The following C2CD3 variants were observed in gnomAD, a reference collection of about 807,000 sequenced individuals.
The protein encoded by C2CD3 is C2 domain-containing protein 3.
Under a neutral mutation model 234.0 loss-of-function variants are expected in C2CD3, and 148 were observed. That is an observed-to-expected ratio of 0.63 (90% CI 0.55 to 0.72). The LOEUF (loss-of-function observed/expected upper bound fraction) is 0.72. Ranked by LOEUF, C2CD3 falls within the 30% of genes least tolerant of loss-of-function variation. The pLI, the probability that C2CD3 is intolerant of heterozygous loss-of-function variation, is 0.00. For synonymous variants in C2CD3, 1,000 were observed against 1,035.4 expected (o/e 0.97, Z 0.66); for missense variants, 2,577 against 2,811.5 (o/e 0.92, Z 1.89).
At chr11:74,137,168 T>C (rs1957891322) in intron 5 of C2CD3, among the ~76,000 whole-genome samples, 1 of 151,968 alleles carries the variant, frequency 6.6e-6, no homozygotes, top group African/African-American at 2.4e-5. Context: ...TTTGCCAACC[T>C]ATGTAAAACT....
In C2CD3 at chr11:74,033,921, A is replaced by G. The variant is rs1173009074; in HGVS notation, c.6239T>C (p.Val2080Ala). The G allele has an allele frequency of 2.6e-6, 4 of 1,536,216 alleles. No individual in the cohort carries two copies. The highest frequency in any genetic ancestry group is 3.5e-6 in the Non-Finnish European group (4 of 1,146,934). The part of the protein sequence containing the change: ...EPRTLNEITT[V>A]TDKTSPWSSV... ...AGACCAAGGGCTAGTTTTGTCTGTCACCGTGGTGATCTCATTTAAGGTCCT... is the reference window on the plus strand; with the variant it reads ...AGACCAAGGGCTAGTTTTGTCTGTCGCCGTGGTGATCTCATTTAAGGTCCT... The change falls in exon 31 of 33, where the codon GTG (valine) becomes GCG (alanine). Residue 2080 changes from valine to alanine, a missense_variant. By Grantham distance (64) the Val-to-Ala change is moderately conservative. Transcript: ENST00000334126.
chr11:74,028,444 C>A, intron 31 of C2CD3, 46 bp from the exon 32 acceptor site: 1 of 1,248,630 alleles, frequency 8.0e-7, no homozygotes, highest in Non-Finnish European at 1.1e-6. Flanking sequence ...GTCCACCCCT[C>A]TTGCAGTGGA....
chr11:74,013,095 C>G lies in C2CD3; in HGVS notation c.*290G>C. 5.1e-6 allele frequency: 1 copy of G among 195,992 alleles called. No individual in the cohort carries two copies. The highest frequency in any genetic ancestry group is 1.1e-4 in the East Asian group (1 of 8,768). 12.1% of individuals were successfully genotyped at this position (195,992 alleles called of 1,614,324 possible). A position where few individuals can be genotyped will look rare whatever the true frequency, so the allele number is the denominator to read the frequency against. ...AGGACACTGGGGGGCGTTTCTCCAC[C>G]GAAAGATGCCTGCTTGGGTCCCACT... On this transcript the variant is annotated 3_prime_UTR_variant, in exon 33 of 33. Transcript: ENST00000334126.
At chr11:74,133,179 C>T (rs560909899) in intron 6 of C2CD3, among the ~76,000 whole-genome samples, 268 of 152,294 alleles carry the variant, frequency 1.8e-3, no homozygotes, top group Non-Finnish European at 3.1e-3. Context: ...GAGAATATCC[C>T]CATTTTACAT....
intron 22 of C2CD3, among the ~76,000 whole-genome samples, chr11:74,080,441 T>C (rs1240102910): frequency 2.0e-5 from 3 of 152,236 alleles, no homozygotes; most frequent in Non-Finnish European, 4.4e-5. Flanking sequence ...AACATTTTTT[T>C]GGTCACAGAC....
intron 32 of C2CD3, among the ~76,000 whole-genome samples, chr11:74,018,761 T>C (rs1229060290): frequency 6.6e-6 from 1 of 152,212 alleles, no homozygotes; most frequent in South Asian, 2.1e-4. Flanking sequence ...GCACTTAGAC[T>C]AGAGGCCCAG....
chr11:74,126,762 A>C (rs1957426461), intron 7 of C2CD3, among the ~76,000 whole-genome samples: 1 of 152,130 alleles, frequency 6.6e-6, no homozygotes, highest in Admixed American at 6.5e-5. Flanking sequence ...AAAAATAAAA[A>C]GACTAAATAA....
chr11:74,033,555 TC>T lies in C2CD3; in HGVS notation c.6604del (p.Glu2202SerfsTer29). Reference sequence around the variant, plus strand: ...CTCAGCTGGGGCCTCTGACTTGGGCTCCTTGTTCTGATCTGTCTGTGGTGAG... The same window carrying T: ...CTCAGCTGGGGCCTCTGACTTGGGCTCTTGTTCTGATCTGTCTGTGGTGAG... ...WSSPQTDQNK[E>X]PKSEAPAENE... On this transcript the variant is annotated frameshift_variant, in exon 31 of 33. Coordinates refer to ENST00000334126, the MANE Select transcript of C2CD3 (RefSeq NM_001286577.2). LOFTEE classifies it high-confidence loss of function. 1 of 1,536,186 alleles carries T rather than the reference TC, an allele frequency of 6.5e-7. No individual in the cohort carries two copies. The highest frequency in any genetic ancestry group is 8.7e-7 in the Non-Finnish European group (1 of 1,146,906).
chr11:74,124,307 C>T (rs189163522), intron 7 of C2CD3, among the ~76,000 whole-genome samples: 1 of 152,260 alleles, frequency 6.6e-6, no homozygotes, highest in Non-Finnish European at 1.5e-5. Context: ...ATAATCACTA[C>T]CTTCAAATTA....
chr11:74,069,524 T>G (rs998780637), intron 24 of C2CD3, among the ~76,000 whole-genome samples: 1 of 152,240 alleles, frequency 6.6e-6, no homozygotes, highest in Non-Finnish European at 1.5e-5. Flanking sequence ...GCTTGCACAC[T>G]GTTTTCTTAC....
In C2CD3 at chr11:74,147,052, A is replaced by AAAAATAAAAT. The variant is rs200057554; in HGVS notation, c.484-7234_484-7225dup. Among the ~76,000 whole-genome samples, 577 of 149,594 alleles carry AAAAATAAAAT rather than the reference A, an allele frequency of 3.9e-3. 2 individuals are homozygous for AAAAATAAAAT. The highest frequency in any genetic ancestry group is 0.024 in the Middle Eastern group (7 of 294). Reference sequence around the variant, plus strand: ...GATGACAGAGTAAGACTCTGTCTCAAAAAATAAAATAAAATAAAATAAAAT... The same window carrying AAAAATAAAAT: ...GATGACAGAGTAAGACTCTGTCTCAAAAAATAAAATAAAATAAAATAAAATAAAATAAAAT... On this transcript the variant is annotated intron_variant, in intron 3 of 32. Transcript: ENST00000334126.
intron 30 of C2CD3, among the ~76,000 whole-genome samples, chr11:74,034,867 T>C (rs1190016680): frequency 1.3e-5 from 2 of 152,232 alleles, no homozygotes; most frequent in Non-Finnish European, 2.9e-5. Context: ...TCTCTGAGCC[T>C]ATTGATCTGT....
intron 17 of C2CD3, among the ~76,000 whole-genome samples, chr11:74,094,229 C>T (rs1350095095): frequency 2.0e-5 from 3 of 149,828 alleles, no homozygotes; most frequent in African/African-American, 7.4e-5. Context: ...ATTATAGCCA[C>T]CTTAGCTAGT....
rs369018964 is a variant in C2CD3, at chr11:74,060,847, G to A, written c.4952-3303C>T. Among the ~76,000 whole-genome samples the A allele has an allele frequency of 9.9e-5, 15 of 152,242 alleles. No individual in the cohort carries two copies. The South Asian group carries it at 1.9e-3, about 19-fold the overall frequency. On this transcript the variant is annotated intron_variant, in intron 24 of 32. Coordinates refer to ENST00000334126, the MANE Select transcript of C2CD3 (RefSeq NM_001286577.2). ...TTTTCCAAGCTAAAGGAGGATGTTC[G>A]AACCCATTGCAAAGAAGCTAAAAAC...
At chr11:74,137,595 T>C (rs12793014) in intron 5 of C2CD3, among the ~76,000 whole-genome samples, 2 of 151,340 alleles carry the variant, frequency 1.3e-5, no homozygotes, top group Non-Finnish European at 1.5e-5. Context: ...TTTCTTTTTT[T>C]TCTTTTTGAG....
chr11:74,078,370 G>T lies in C2CD3; in HGVS notation c.4348C>A (p.Pro1450Thr), dbSNP rs1247041689. ...ACAGATTCCTTAGGCTTCTTGAGAGGGGTCCAAAAGGCTTCATGATCATAG... is the reference window on the plus strand; with the variant it reads ...ACAGATTCCTTAGGCTTCTTGAGAGTGGTCCAAAAGGCTTCATGATCATAG... ...KFYDHEAFWT[P>T]LKKPKESVNK... The change falls in exon 23 of 33, where the codon CCT (proline) becomes ACT (threonine). Residue 1450 changes from proline (P) to threonine (T), a missense_variant. Physicochemically the swap from Pro to Thr is conservative, Grantham distance 38. Coordinates refer to ENST00000334126, the MANE Select transcript of C2CD3 (RefSeq NM_001286577.2). 2.5e-6 allele frequency: 4 copies of T among 1,614,032 alleles called. No homozygotes were observed. Among genetic ancestry groups the T allele is most frequent in the Non-Finnish European group, 3.4e-6 (4 of 1,180,038 alleles).
intron 17 of C2CD3, 105 bp downstream of exon 17, chr11:74,095,123 T>C: frequency 2.8e-6 from 2 of 706,820 alleles, no homozygotes; most frequent in Non-Finnish European, 4.2e-6. Context: ...CCAGTAAGAC[T>C]AGAAATATTC....
At chr11:74,054,204 G>A (rs1226053102) in intron 26 of C2CD3, among the ~76,000 whole-genome samples, 16 of 151,316 alleles carry the variant, frequency 1.1e-4, no homozygotes, top group African/African-American at 3.9e-4. Context: ...CCTGGGAGGC[G>A]GAGCTTGCAG....
At chr11:74,096,570 G>A (rs1408798492) in intron 16 of C2CD3, among the ~76,000 whole-genome samples, 1 of 152,130 alleles carries the variant, frequency 6.6e-6, no homozygotes, top group Admixed American at 6.6e-5. Context: ...TCTGCAAATG[G>A]TGAATTGGAT....
Sources: gnomAD v4.1 joint callset for allele counts (sites outside exome capture counted in the v4.1 genomes callset) on GRCh38, gnomAD v4.1.1 for gene constraint, MANE v1.5 for transcripts, NCBI Gene and HGNC (gene_info 2026-07-23, HGNC 2026-07-21) for gene names.